NRXN3: variants seen among roughly 807,000 people sequenced by gnomAD.
NRXN3 encodes neurexin 3.
A neutral mutation model predicts 137.6 loss-of-function variants in NRXN3; 32 were observed. The ratio of observed to expected loss-of-function variants is 0.23; its 90% CI spans 0.18 to 0.31. The LOEUF is 0.31. Among genes scored for constraint, NRXN3 ranks in the 10% least tolerant of loss-of-function variants. NRXN3 has a pLI of 1.00. For synonymous variants in NRXN3, 798 were observed against 784.5 expected (o/e 1.02, Z -0.29); for missense variants, 1,574 against 2,062.5 (o/e 0.76, Z 4.59).
chr14:78,295,233 G>T (rs953120789), intron 3 of NRXN3, among the ~76,000 whole-genome samples: 5 of 152,086 alleles, frequency 3.3e-5, no homozygotes, highest in Non-Finnish European at 7.4e-5. Context: ...TCTCCCCCCA[G>T]TCCTGTTTCC....
chr14:78,997,730 C>A (rs1279255762), intron 15 of NRXN3, among the ~76,000 whole-genome samples: 1 of 152,324 alleles, frequency 6.6e-6, no homozygotes, highest in Non-Finnish European at 1.5e-5. Context: ...TGCTTATACC[C>A]AAGTAACCAA....
In NRXN3 at chr14:78,778,678, TTTTCTTTCTTTCTTTC is replaced by T. The variant is rs56391630; in HGVS notation, c.2045-24904_2045-24889del. Among the ~76,000 whole-genome samples the T allele has an allele frequency of 9.0e-3, 1,029 of 114,516 alleles. 16 individuals carry two copies. Among genetic ancestry groups the T allele is most frequent in the African/African-American group, 0.029 (819 of 28,050 alleles). The allele number at this position is 114,516 out of a possible 152,430, so 75.1% of individuals were successfully genotyped here. A position where few individuals can be genotyped will look rare whatever the true frequency, so the allele number is the denominator to read the frequency against. On this transcript the variant is annotated intron_variant, in intron 8 of 20. Coordinates refer to ENST00000335750, the MANE Select transcript of NRXN3 (RefSeq NM_001330195.2). ...TCTTTTCCTTTTCTTTTCTCTTTTC[TTTTCTTTCTTTCTTTC>T]TTTCTTTCTTTCTTTCTTTCTTTCT... is the stretch of plus-strand genomic sequence containing the variant.
chr14:78,403,616 T>C, intron 4 of NRXN3: 1 of 629,242 alleles, frequency 1.6e-6, no homozygotes, highest in Non-Finnish European at 2.0e-6. Context: ...AGGTTTCTAA[T>C]TGCCGGTGCT....
chr14:79,091,421 T>G (rs1310642419), intron 15 of NRXN3, among the ~76,000 whole-genome samples: 1 of 152,156 alleles, frequency 6.6e-6, no homozygotes. Flanking sequence ...AAATAGAAGT[T>G]GCATCTGGCT....
chr14:79,743,619 T>C (rs116946504), intron 19 of NRXN3, among the ~76,000 whole-genome samples: 135 of 152,280 alleles, frequency 8.9e-4, no homozygotes, highest in Non-Finnish European at 1.4e-3. Context: ...ATGCCATACT[T>C]TGAGAAACAC....
intron 8 of NRXN3, among the ~76,000 whole-genome samples, chr14:78,788,102 C>T (rs188064940): frequency 5.2e-4 from 79 of 152,224 alleles, no homozygotes; most frequent in African/African-American, 1.8e-3. Flanking sequence ...TAAGGTCCCA[C>T]GGTTGCATGC....
chr14:78,282,053 G>A lies in NRXN3; in HGVS notation c.727+3391G>A, dbSNP rs187150316. 1,564 of 452,156 alleles carry A rather than the reference G, an allele frequency of 3.5e-3. 10 individuals carry two copies. The highest frequency in any genetic ancestry group is 9.2e-3 in the Middle Eastern group (28 of 3,036). The allele number at this position is 452,156 out of a possible 1,614,324, so 28.0% of individuals were successfully genotyped here. A position where few individuals can be genotyped will look rare whatever the true frequency, so the allele number is the denominator to read the frequency against. On this transcript the variant is annotated intron_variant, in intron 3 of 20. Transcript: ENST00000335750. ...TTCCAAGACATGGTGGAGCTTAAAG[G>A]GTATCCTGTCCAAGGAGTGCAAACT...
chr14:79,706,148 A>G (rs189304598), intron 19 of NRXN3, among the ~76,000 whole-genome samples: 61 of 152,274 alleles, frequency 4.0e-4, no homozygotes, highest in Admixed American at 8.5e-4. Context: ...TCTAGGAATA[A>G]GGAGTCCCAG....
At chr14:79,149,346 G>A (rs966358875) in intron 15 of NRXN3, among the ~76,000 whole-genome samples, 7 of 148,800 alleles carry the variant, frequency 4.7e-5, no homozygotes, top group Non-Finnish European at 8.9e-5. Context: ...TTTTCAAATT[G>A]TAATTCAAAG....
intron 1 of NRXN3, among the ~76,000 whole-genome samples, chr14:78,182,007 C>T (rs997088617): frequency 4.6e-5 from 7 of 151,118 alleles, no homozygotes; most frequent in South Asian, 4.2e-4. Context: ...GAAGGGCAAG[C>T]GGTAGACAAC....
intron 15 of NRXN3, among the ~76,000 whole-genome samples, chr14:79,124,697 G>T (rs889312154): frequency 2.6e-5 from 4 of 152,102 alleles, no homozygotes; most frequent in African/African-American, 9.7e-5. Context: ...ACCTTAACAT[G>T]TTTTCTGTCT....
intron 11 of NRXN3, 121 bp from the exon 12 acceptor site, chr14:78,965,904 A>T: frequency 2.6e-6 from 3 of 1,144,588 alleles, no homozygotes; most frequent in Non-Finnish European, 3.7e-6. Flanking sequence ...GTTTTCTTGA[A>T]CTCACCCAAG....
chr14:78,368,781 A>G (rs7146066), intron 4 of NRXN3, among the ~76,000 whole-genome samples: 149,367 of 152,332 alleles, frequency 0.98, 73,274 homozygotes, highest in Non-Finnish European at 1. Context: ...TTAAACTGTT[A>G]TGAATTCTTA....
At chr14:78,601,656 A>G (rs10151370) in intron 4 of NRXN3, among the ~76,000 whole-genome samples, 33,179 of 151,834 alleles carry the variant, frequency 0.22, 5,358 homozygotes, top group African/African-American at 0.45. Context: ...GGGTTTCACC[A>G]TGTTAGCCAG....
At chr14:78,387,814 C>T (rs2090189773) in intron 4 of NRXN3, among the ~76,000 whole-genome samples, 1 of 152,100 alleles carries the variant, frequency 6.6e-6, no homozygotes, top group South Asian at 2.1e-4. Flanking sequence ...ATAATGTAGT[C>T]TTATGTTTTT....
intron 15 of NRXN3, among the ~76,000 whole-genome samples, chr14:79,111,630 C>T (rs767106115): frequency 8.6e-5 from 13 of 151,584 alleles, no homozygotes; most frequent in East Asian, 3.9e-4. Context: ...CCCAGCTAAT[C>T]GGGAGACTGA....
At chr14:79,117,330 A>C (rs1345052230) in intron 15 of NRXN3, among the ~76,000 whole-genome samples, 1 of 152,240 alleles carries the variant, frequency 6.6e-6, no homozygotes, top group Non-Finnish European at 1.5e-5. Context: ...GATGGAAATA[A>C]GGTATCACAG....
chr14:78,174,782 C>T (rs1169699451), intron 1 of NRXN3, among the ~76,000 whole-genome samples: 1 of 152,136 alleles, frequency 6.6e-6, no homozygotes, highest in African/African-American at 2.4e-5. Context: ...AGAAACTGCT[C>T]CTGCCTCCAG....
intron 20 of NRXN3, among the ~76,000 whole-genome samples, chr14:79,815,757 A>C (rs59441335): frequency 7.2e-5 from 11 of 152,302 alleles, no homozygotes; most frequent in Non-Finnish European, 1.5e-4. Context: ...CTAGCTACCA[A>C]TATGACAGCC....
Sources: allele counts gnomAD v4.1 joint callset (sites outside exome capture counted in the v4.1 genomes callset), GRCh38; gene constraint gnomAD v4.1.1; transcripts MANE v1.5; gene names NCBI Gene and HGNC (gene_info 2026-07-23, HGNC 2026-07-21).